ROBO2: variants seen among roughly 807,000 people sequenced by gnomAD.
ROBO2 encodes roundabout guidance receptor 2, also known as roundabout homolog 2.
In ROBO2, 53 loss-of-function variants were observed where a neutral mutation model predicts 160.8. That is an observed-to-expected ratio of 0.33 (90% CI 0.26 to 0.41). The LOEUF is 0.41. ROBO2 is among the 10% of genes least tolerant of loss of function. The pLI, the probability that ROBO2 is intolerant of heterozygous loss-of-function variation, is 1.00. For missense variants in ROBO2, 1,577 were observed against 1,722.4 expected (o/e 0.92, Z 1.49); for synonymous variants, 664 against 611.7 (o/e 1.09, Z -1.26).
At chr3:76,445,256 A>G (rs2109177863) in intron 2 of ROBO2, among the ~76,000 whole-genome samples, 1 of 152,302 alleles carries the variant, frequency 6.6e-6, no homozygotes, top group Admixed American at 6.5e-5. Flanking sequence ...GAACCATCAA[A>G]TAGAAAAAAA....
intron 3 of ROBO2, among the ~76,000 whole-genome samples, chr3:77,478,116 C>T (rs965296945): frequency 2.0e-5 from 3 of 152,158 alleles, no homozygotes; most frequent in Non-Finnish European, 2.9e-5. Context: ...TGAGCCACCA[C>T]ACCCAGCTGA....
intron 2 of ROBO2, among the ~76,000 whole-genome samples, chr3:77,304,877 G>A (rs983833428): frequency 1.3e-5 from 2 of 152,124 alleles, no homozygotes; most frequent in African/African-American, 4.8e-5. Context: ...TAGGGAGAGC[G>A]TACATACGTA....
At chr3:76,826,284 A>G (rs1306638582) in intron 2 of ROBO2, among the ~76,000 whole-genome samples, 2 of 152,080 alleles carry the variant, frequency 1.3e-5, no homozygotes, top group Non-Finnish European at 2.9e-5. Context: ...GGCACACACT[A>G]GGGCCTCATC....
chr3:77,324,144 C>A (rs1327112715), intron 2 of ROBO2, among the ~76,000 whole-genome samples: 1 of 152,144 alleles, frequency 6.6e-6, no homozygotes, highest in African/African-American at 2.4e-5. Context: ...CTAATCTCAA[C>A]ACAGTCTCCA....
At chr3:76,215,576 T>C (rs1260985598) in intron 2 of ROBO2, among the ~76,000 whole-genome samples, 3 of 151,794 alleles carry the variant, frequency 2.0e-5, no homozygotes, top group African/African-American at 4.8e-5. Flanking sequence ...GAAGATGAAA[T>C]GAATGAAATG....
chr3:77,381,518 A>G (rs2073465606), intron 2 of ROBO2, among the ~76,000 whole-genome samples: 1 of 152,200 alleles, frequency 6.6e-6, no homozygotes, highest in Admixed American at 6.5e-5. Flanking sequence ...GACCTTTTAA[A>G]TTATAGCTTC....
intron 2 of ROBO2, among the ~76,000 whole-genome samples, chr3:76,940,672 A>G (rs1201137486): frequency 6.6e-6 from 1 of 152,184 alleles, no homozygotes; most frequent in South Asian, 2.1e-4. Flanking sequence ...TTCCTGCAAA[A>G]TAGTCCTTGA....
intron 2 of ROBO2, among the ~76,000 whole-genome samples, chr3:76,252,779 A>G (rs529168302): frequency 1.1e-4 from 16 of 151,830 alleles, no homozygotes; most frequent in African/African-American, 3.9e-4. Flanking sequence ...ACACACACAC[A>G]CACACACACA....
At chr3:77,561,680 A>G (rs2093326188) in intron 9 of ROBO2, among the ~76,000 whole-genome samples, 1 of 152,170 alleles carries the variant, frequency 6.6e-6, no homozygotes. Flanking sequence ...GTTCCCTTTC[A>G]GCTTGAAATT....
chr3:77,149,493 G>A (rs758621068), intron 2 of ROBO2, among the ~76,000 whole-genome samples: 18 of 152,112 alleles, frequency 1.2e-4, no homozygotes, highest in African/African-American at 1.7e-4. Context: ...CTTGCAACCC[G>A]TGTGTAAGAC....
intron 16 of ROBO2, among the ~76,000 whole-genome samples, chr3:77,586,210 G>A (rs73114575): frequency 0.099 from 15,017 of 152,124 alleles, 967 homozygotes; most frequent in Middle Eastern, 0.17. Context: ...ACACAAAAAT[G>A]CAATCAAATA....
chr3:76,349,689 C>A (rs1576593617), intron 2 of ROBO2, among the ~76,000 whole-genome samples: 1 of 152,060 alleles, frequency 6.6e-6, no homozygotes, highest in Admixed American at 6.6e-5. Flanking sequence ...GTAACGGATG[C>A]TGGCAGAAGG....
chr3:76,353,677 A>G (rs544111201), intron 2 of ROBO2, among the ~76,000 whole-genome samples: 67 of 152,134 alleles, frequency 4.4e-4, no homozygotes, highest in Non-Finnish European at 7.1e-4. Flanking sequence ...GGCAAAGACC[A>G]TAGTCTTTGA....
chr3:77,015,129 T>G (rs1473388725), intron 2 of ROBO2, among the ~76,000 whole-genome samples: 2 of 152,080 alleles, frequency 1.3e-5, no homozygotes, highest in Non-Finnish European at 2.9e-5. Flanking sequence ...TTCCCTCCAA[T>G]GCGACTCATC....
chr3:77,042,725 T>A (rs1263477666), intron 1 of ROBO2, among the ~76,000 whole-genome samples: 1 of 151,988 alleles, frequency 6.6e-6, no homozygotes, highest in Admixed American at 6.5e-5. Context: ...TTTCTCTCCG[T>A]TTTATTCCTC....
intron 2 of ROBO2, among the ~76,000 whole-genome samples, chr3:76,909,805 T>C (rs531454640): frequency 6.2e-4 from 95 of 152,294 alleles, no homozygotes; most frequent in African/African-American, 2.2e-3. Flanking sequence ...TTCAAGAGAC[T>C]AGCAGTCATG....
intron 2 of ROBO2, among the ~76,000 whole-genome samples, chr3:77,099,071 CTTTT>C (rs750626067): frequency 0.012 from 1,444 of 121,228 alleles, 22 homozygotes; most frequent in African/African-American, 0.041. Flanking sequence ...TTCTTTCTTT[CTTTT>C]TTTTTTTTTT....
At chr3:76,597,115 A>C (rs1235429584) in intron 2 of ROBO2, among the ~76,000 whole-genome samples, 1 of 152,032 alleles carries the variant, frequency 6.6e-6, no homozygotes, top group Non-Finnish European at 1.5e-5. Flanking sequence ...ACAGTGAGTC[A>C]AATGTCAAAT....
chr3:76,160,302 T>A (rs773691941), intron 2 of ROBO2, among the ~76,000 whole-genome samples: 6 of 152,208 alleles, frequency 3.9e-5, no homozygotes, highest in Non-Finnish European at 8.8e-5. Context: ...TTGAAAGCTC[T>A]GCTCCTATCT....
Sources: allele counts gnomAD v4.1 joint callset (sites outside exome capture counted in the v4.1 genomes callset), GRCh38; gene constraint gnomAD v4.1.1; transcripts MANE v1.5; gene names NCBI Gene and HGNC (gene_info 2026-07-23, HGNC 2026-07-21).